NOC3L: variants seen among roughly 807,000 people sequenced by gnomAD.
The protein encoded by NOC3L is nucleolar complex protein 3 homolog.
NOC3L carries 85 observed loss-of-function variants against 102.5 expected under a neutral mutation model. The observed-to-expected ratio is 0.83, with a 90% confidence interval of 0.70 to 0.99. The LOEUF is 0.99. Ranked by LOEUF, NOC3L falls within the 50% of genes least tolerant of loss-of-function variation. The probability of loss-of-function intolerance (pLI) is 0.00; values close to 1 mark genes in which losing one functional copy is unlikely to be tolerated. For synonymous variants in NOC3L, 303 were observed against 309.4 expected, an observed-to-expected ratio of 0.98 and a Z score of 0.22; for missense variants, 878 against 914.9, an observed-to-expected ratio of 0.96 and a Z score of 0.52.
At chr10:94,324,431 A>C in the NOC3L span, 78 of 1,614,112 alleles carry the variant, frequency 4.8e-5, no homozygotes, top group Non-Finnish European at 6.5e-5. Flanking sequence ...GAGGTGGTGA[A>C]AGACACTACC....
At chr10:94,346,386 A>G (rs2054343277) in intron 11 of NOC3L, 39 bp downstream of exon 11, 1 of 1,403,042 alleles carries the variant, frequency 7.1e-7, no homozygotes, top group African/African-American at 1.5e-5. Context: ...TCAAATAAAC[A>G]GAAAATTTAA....
In NOC3L at chr10:94,355,075, A is replaced by C; in HGVS notation, c.584T>G (p.Ile195Ser). The C allele has an allele frequency of 6.2e-7, 1 of 1,612,120 alleles. No homozygotes were observed. Among genetic ancestry groups the C allele is most frequent in the Non-Finnish European group, 8.5e-7 (1 of 1,179,028 alleles). The stretch of plus-strand genomic sequence containing the variant: ...ATGTTCTTCTATGGTCAGCTCTTGA[A>C]TAGGATCTTCAATGATCTCTAAAAC... ...ELEEEIIEDPIQELTIEEHLI... is the reference protein window; with the variant it reads ...ELEEEIIEDPSQELTIEEHLI... Residue 195 changes from isoleucine to serine, a missense_variant, in exon 6 of 21, where the codon ATT becomes AGT. Transcript: ENST00000371361.
chr10:94,353,032 G>A lies in NOC3L; in HGVS notation c.722C>T (p.Ser241Phe), dbSNP rs370275584. ...ATCAGGATCTTGTTCCATCAACATA[G>A]AACGTAATTCTTTCAATTTTTTAAT... is the stretch of plus-strand genomic sequence containing the variant. Reference protein sequence around the residue: ...NNIKKLKELRSMLMEQDPDVA... With the variant: ...NNIKKLKELRFMLMEQDPDVA... The change falls in exon 7 of 21, where the codon TCT (serine) becomes TTT (phenylalanine). Residue 241 changes from serine to phenylalanine, a missense_variant. Ser to Phe is a radical substitution (Grantham distance 155). Transcript: ENST00000371361. 1 of 1,608,034 alleles carries A rather than the reference G, an allele frequency of 6.2e-7. No homozygotes were observed. The highest frequency in any genetic ancestry group is 8.5e-7 in the Non-Finnish European group (1 of 1,178,356).
the NOC3L span, among the ~76,000 whole-genome samples, chr10:94,319,450 T>C: frequency 6.6e-6 from 1 of 152,248 alleles, no homozygotes; most frequent in African/African-American, 2.4e-5. Flanking sequence ...TTTGCCCATA[T>C]ATGAAAATTC....
chr10:94,354,210 A>G (rs1345335956), intron 6 of NOC3L, among the ~76,000 whole-genome samples: 1 of 152,216 alleles, frequency 6.6e-6, no homozygotes, highest in Non-Finnish European at 1.5e-5. Flanking sequence ...GCTTCTATAA[A>G]TGTAAATAAG....
intron 13 of NOC3L, among the ~76,000 whole-genome samples, chr10:94,343,707 C>T (rs769508133): frequency 1.3e-5 from 2 of 151,788 alleles, no homozygotes; most frequent in East Asian, 3.9e-4. Context: ...TATAAGTGTT[C>T]GAAAATATGT....
chr10:94,326,361 CAT>C, the NOC3L span, among the ~76,000 whole-genome samples: 1 of 152,204 alleles, frequency 6.6e-6, no homozygotes, highest in Non-Finnish European at 1.5e-5. Flanking sequence ...ACATTGAGAT[CAT>C]GTTTCCACAT....
chr10:94,334,611 A>C, intron 20 of NOC3L, 23 bp downstream of exon 20: 1 of 1,573,102 alleles, frequency 6.4e-7, no homozygotes, highest in Non-Finnish European at 8.7e-7. Flanking sequence ...TCTTCCTTTA[A>C]AAAAATGAAA....
Position 94,339,886 on chromosome 10 carries a change from C to A in NOC3L, c.1815G>T (p.Gln605His). 1 of 1,614,122 alleles carries A rather than the reference C, an allele frequency of 6.2e-7. No individual in the cohort carries two copies. The highest frequency in any genetic ancestry group is 8.5e-7 in the Non-Finnish European group (1 of 1,180,000). Residue 605 changes from glutamine (Q) to histidine (H), a missense_variant, in exon 17 of 21, where the codon CAG becomes CAT. Transcript: ENST00000371361. ...GCTTAGTTAGCATGACATCAAGGCA[C>A]TGGAGTACAATCTCAACACCTTCAT... ...ATNEGVEIVL[Q>H]CLDVMLTKRR... is the part of the protein sequence containing the mutation.
At chr10:94,346,045 T>A (rs1172889042) in intron 11 of NOC3L, among the ~76,000 whole-genome samples, 1 of 152,194 alleles carries the variant, frequency 6.6e-6, no homozygotes. Flanking sequence ...AACCCAAGTT[T>A]AAAATACAAA....
At chr10:94,333,175 T>C (rs1285195359), downstream of NOC3L, 1 of 152,194 alleles carries the variant, frequency 6.6e-6, no homozygotes, top group African/African-American at 2.4e-5. Flanking sequence ...GTAAGAGATC[T>C]CTTTAGTTGG....
At chr10:94,356,124 C>T (rs2054480136) in intron 5 of NOC3L, among the ~76,000 whole-genome samples, 1 of 152,146 alleles carries the variant, frequency 6.6e-6, no homozygotes, top group Non-Finnish European at 1.5e-5. Context: ...AACTGACATT[C>T]AATTATATGA....
intron 7 of NOC3L, among the ~76,000 whole-genome samples, 182 bp downstream of exon 7, chr10:94,352,714 G>C (rs1210779338): frequency 6.6e-6 from 1 of 152,052 alleles, no homozygotes; most frequent in Non-Finnish European, 1.5e-5. Context: ...CCCAGCTACT[G>C]AGGGGGCTGA....
At chr10:94,352,205 C>T in intron 8 of NOC3L, 105 bp downstream of exon 8, 2 of 695,170 alleles carry the variant, frequency 2.9e-6, no homozygotes, top group Non-Finnish European at 4.7e-6. Context: ...GATTCTGTTC[C>T]TGACCATACC....
In NOC3L at chr10:94,362,875, A is replaced by C; in HGVS notation, c.-37T>G. 3.7e-6 allele frequency: 6 copies of C among 1,613,960 alleles called. No individual in the cohort carries two copies. Among genetic ancestry groups the C allele is most frequent in the Non-Finnish European group, 4.2e-6 (5 of 1,180,024 alleles). ...AAATGAATGCCGGCCAGACAAGTTC[A>C]CCAGAAGCAGGGTTACTACAGAAAT... On this transcript the variant is annotated 5_prime_UTR_variant, in exon 1 of 21. Transcript: ENST00000371361.
intron 8 of NOC3L, among the ~76,000 whole-genome samples, chr10:94,350,732 AAAG>A (rs1354723843): frequency 0.017 from 2,511 of 150,890 alleles, 76 homozygotes; most frequent in African/African-American, 0.058. Context: ...AAAAAAAAAA[AAAG>A]AAGAAGAAAA....
chr10:94,350,885 G>A (rs1286064848), intron 8 of NOC3L, among the ~76,000 whole-genome samples: 1 of 151,746 alleles, frequency 6.6e-6, no homozygotes, highest in Non-Finnish European at 1.5e-5. Flanking sequence ...TACACTCTAA[G>A]TATAAAATAC....
chr10:94,355,999 A>T (rs2054479121), intron 5 of NOC3L, among the ~76,000 whole-genome samples: 1 of 152,220 alleles, frequency 6.6e-6, no homozygotes, highest in African/African-American at 2.4e-5. Context: ...AGGTCTGCTA[A>T]GCGAAAGTAA....
the NOC3L span, among the ~76,000 whole-genome samples, chr10:94,315,824 C>T: frequency 6.6e-6 from 1 of 151,316 alleles, no homozygotes; most frequent in Non-Finnish European, 1.5e-5. Flanking sequence ...TTGAGTTCAC[C>T]TAATGTACCC....
Sources: gnomAD v4.1 joint callset for allele counts (sites outside exome capture counted in the v4.1 genomes callset) on GRCh38, gnomAD v4.1.1 for gene constraint, MANE v1.5 for transcripts, NCBI Gene and HGNC (gene_info 2026-07-23, HGNC 2026-07-21) for gene names.